RAD9A: variants seen among roughly 807,000 people sequenced by gnomAD.
RAD9A encodes RAD9 checkpoint clamp component A.
A neutral mutation model predicts 41.2 loss-of-function variants in RAD9A; 25 were observed. That is an observed-to-expected ratio of 0.61 (90% CI 0.44 to 0.85). RAD9A has a LOEUF of 0.85. Ranked by LOEUF, RAD9A falls within the 40% of genes least tolerant of loss-of-function variation. The probability of loss-of-function intolerance (pLI) is 0.00; values close to 1 mark genes in which losing one functional copy is unlikely to be tolerated. For missense variants in RAD9A, 514 were observed against 518.3 expected, an observed-to-expected ratio of 0.99 and a Z score of 0.08; for synonymous variants, 252 against 210.6, an observed-to-expected ratio of 1.20 and a Z score of -1.70.
At chr11:67,396,434 C>T (rs1463213714) in intron 9 of RAD9A, 34 bp downstream of exon 9, 2 of 1,607,884 alleles carry the variant, frequency 1.2e-6, no homozygotes, top group African/African-American at 1.3e-5. Context: ...CTCCTCTCTC[C>T]ATGTCTGTGC....
intron 3 of RAD9A, chr11:67,393,279 CAAA>C (rs34533285): frequency 3.2e-3 from 3,210 of 997,542 alleles, no homozygotes; most frequent in Admixed American, 0.01. Flanking sequence ...GACTCCATCT[CAAA>C]AAAAAAAAAA....
chr11:67,395,631 A>C, intron 5 of RAD9A, 85 bp from the exon 6 acceptor site: 1 of 1,025,736 alleles, frequency 9.7e-7, no homozygotes, highest in Non-Finnish European at 1.5e-6. Flanking sequence ...GTGCGTGTGC[A>C]TGTGTCACCC....
chr11:67,396,658 G>C (rs539595677), intron 9 of RAD9A, among the ~76,000 whole-genome samples: 1 of 152,178 alleles, frequency 6.6e-6, no homozygotes. Context: ...CTCTGGCTGA[G>C]GCCGCCCCTC....
At position 67,393,775 on chromosome 11, in the gene RAD9A, T is replaced by C. The variant is rs1862603530; in HGVS notation, c.434T>C (p.Leu145Pro). ...GACCCAGCCTCGTGCCCCCACATGC[T>C]CCGCGCCCCAGCACGGTGAGCACAC... ...VFDPASCPHM[L>P]RAPARVLGEA... Residue 145 changes from leucine to proline, a missense_variant, in exon 5 of 11, where the codon CTC becomes CCC. Transcript: ENST00000307980. 2 of 1,609,184 alleles carry C rather than the reference T, an allele frequency of 1.2e-6. No individual in the cohort carries two copies. The highest frequency in any genetic ancestry group is 1.7e-6 in the Non-Finnish European group (2 of 1,178,362).
Position 67,396,338 on chromosome 11 carries a change from G to C in RAD9A, c.810G>C (p.Ser270=), listed in dbSNP as rs750713514. 2 of 1,613,898 alleles carry C rather than the reference G, an allele frequency of 1.2e-6. No individual in the cohort carries two copies. The highest frequency in any genetic ancestry group is 1.7e-6 in the Non-Finnish European group (2 of 1,179,998). ...FVLATLSDTD[S]HSQDLGSPER... is the part of the protein sequence containing the mutation. The stretch of plus-strand genomic sequence containing the variant: ...TGGCCACACTCTCAGACACCGACTC[G>C]CACTCCCAGGACCTGGGCTCCCCAG... The change falls in exon 9 of 11, where the codon TCG becomes TCC. Residue 270 remains serine (S), a synonymous_variant. Coordinates refer to ENST00000307980, the MANE Select transcript of RAD9A (RefSeq NM_004584.3).
chr11:67,394,101 A>G (rs149390202), intron 5 of RAD9A, among the ~76,000 whole-genome samples: 1 of 152,194 alleles, frequency 6.6e-6, no homozygotes, highest in African/African-American at 2.4e-5. Context: ...TCTAGGGAGC[A>G]CATTTCTGGC....
chr11:67,392,770 G>A lies in RAD9A; in HGVS notation c.222G>A (p.Lys74=), dbSNP rs1360243255. The stretch of plus-strand genomic sequence containing the variant: ...CTGGTCAGGACCTGCTGCGCTGTAA[G>A]ATCCTGATGAAGGTGAGGCCCTTCC... ...ATPGQDLLRC[K]ILMKSFLSVF... is the part of the protein sequence containing the mutation. Residue 74 remains lysine (K), a synonymous_variant, in exon 3 of 11, where the codon AAG becomes AAA. Coordinates refer to ENST00000307980, the MANE Select transcript of RAD9A (RefSeq NM_004584.3). 2.5e-6 allele frequency: 4 copies of A among 1,613,944 alleles called. No homozygotes were observed. The African/African-American group carries it at 4.0e-5, about 16-fold the overall frequency.
chr11:67,393,460 A>C (rs770286034), intron 3 of RAD9A, 36 bp from the exon 4 acceptor site: 1 of 1,609,184 alleles, frequency 6.2e-7, no homozygotes, highest in Non-Finnish European at 8.5e-7. Context: ...TGTTGCAGAG[A>C]TGTGATGCTA....
At chr11:67,392,605 CTGTGG>C in intron 2 of RAD9A, 44 bp from the exon 3 acceptor site, 1 of 1,608,434 alleles carries the variant, frequency 6.2e-7, no homozygotes, top group East Asian at 2.2e-5. Context: ...AGGGCTGGGT[CTGTGG>C]CTGCCCCCTG....
Position 67,397,736 on chromosome 11 carries a change from G to A in RAD9A, c.*177G>A, listed in dbSNP as rs765469500. On this transcript the variant is annotated 3_prime_UTR_variant, in exon 11 of 11. Transcript: ENST00000307980. ...ACTGTAAAGCTGTCCCACAGCGGTCGGGCCTGGGCCGTTATCTCCCCACAA... is the reference window on the plus strand; with the variant it reads ...ACTGTAAAGCTGTCCCACAGCGGTCAGGCCTGGGCCGTTATCTCCCCACAA... The A allele has an allele frequency of 2.6e-5, 16 of 625,728 alleles. No individual in the cohort carries two copies. The highest frequency in any genetic ancestry group is 8.0e-5 in the South Asian group (4 of 50,082). 38.8% of individuals were successfully genotyped at this position (625,728 alleles called of 1,614,324 possible). A position where few individuals can be genotyped will look rare whatever the true frequency, so the allele number is the denominator to read the frequency against.
Position 67,396,333 on chromosome 11 carries a change from G to A in RAD9A, c.805G>A (p.Asp269Asn), listed in dbSNP as rs776682970. 4.3e-6 allele frequency: 7 copies of A among 1,613,776 alleles called. No homozygotes were observed. In the South Asian group the frequency reaches 4.4e-5, roughly 10 times the overall value. Residue 269 changes from aspartate to asparagine, a missense_variant, in exon 9 of 11, where the codon GAC becomes AAC. By Grantham distance (23) the Asp-to-Asn change is conservative. Around this residue, in one of 3 missense-constraint regions of RAD9A, gnomAD observed 216 missense variants for 184.2 expected, o/e 1.17. Coordinates refer to ENST00000307980, the MANE Select transcript of RAD9A (RefSeq NM_004584.3). Reference protein sequence around the residue: ...HFVLATLSDTDSHSQDLGSPE... With the variant: ...HFVLATLSDTNSHSQDLGSPE... ...TGTCTTGGCCACACTCTCAGACACC[G>A]ACTCGCACTCCCAGGACCTGGGCTC...
rs1201081667 is a variant in RAD9A at position 67,397,446 on chromosome 11, CACTT to C, written c.1081-17_1081-14del. 1 of 1,601,836 alleles carries C rather than the reference CACTT, an allele frequency of 6.2e-7. No homozygotes were observed. The highest frequency in any genetic ancestry group is 2.2e-5 in the East Asian group (1 of 44,836). ...AGGGAAGGGAGCAGCCTCCAGAACT[CACTT>C]GTTCTCTTTCCAGTTCCGCTCACTG... On this transcript the variant is annotated splice_polypyrimidine_tract_variant and intron_variant, in intron 10 of 10. Coordinates refer to ENST00000307980, the MANE Select transcript of RAD9A (RefSeq NM_004584.3).
rs1381131290 is a variant in RAD9A, at chr11:67,397,168, T to TC, written c.873-10dup. Reference sequence around the variant, plus strand: ...CCAGTCCCCTCCCTGATACTCCGATTCTGCCTACAGCACACCCCACCCGGA... The same window carrying TC: ...CCAGTCCCCTCCCTGATACTCCGATTCCTGCCTACAGCACACCCCACCCGGA... On this transcript the variant is annotated splice_polypyrimidine_tract_variant and intron_variant, in intron 9 of 10. Coordinates refer to ENST00000307980, the MANE Select transcript of RAD9A (RefSeq NM_004584.3). 6.2e-7 allele frequency: 1 copy of TC among 1,601,952 alleles called. No individual in the cohort carries two copies. The highest frequency in any genetic ancestry group is 1.3e-5 in the African/African-American group (1 of 74,664).
chr11:67,395,320 A>G (rs889012349), intron 5 of RAD9A: 2 of 189,476 alleles, frequency 1.1e-5, no homozygotes, highest in Non-Finnish European at 2.2e-5. Context: ...ACTCTGTCTC[A>G]TGAATAATTT....
intron 9 of RAD9A, 59 bp from the exon 10 acceptor site, chr11:67,397,120 G>A (rs76017242): frequency 2.9e-6 from 4 of 1,378,666 alleles, no homozygotes; most frequent in Non-Finnish European, 4.1e-6. Flanking sequence ...AGCCCTCCAA[G>A]GTGGGGCCCT....
At position 67,396,361 on chromosome 11, in the gene RAD9A, C is replaced by T. The variant is rs780515839; in HGVS notation, c.833C>T (p.Pro278Leu). The T allele has an allele frequency of 1.2e-6, 2 of 1,613,820 alleles. No individual in the cohort carries two copies. The highest frequency in any genetic ancestry group is 4.5e-5 in the East Asian group (2 of 44,896). Reference sequence around the variant, plus strand: ...TCGCACTCCCAGGACCTGGGCTCCCCAGAGCGTCACCAGCCAGTGCCTCAG... The same window carrying T: ...TCGCACTCCCAGGACCTGGGCTCCCTAGAGCGTCACCAGCCAGTGCCTCAG... ...TDSHSQDLGSPERHQPVPQLQ... is the reference protein window; with the variant it reads ...TDSHSQDLGSLERHQPVPQLQ... Residue 278 changes from proline (P) to leucine (L), a missense_variant, in exon 9 of 11, where the codon CCA (proline) becomes CTA (leucine). Coordinates refer to ENST00000307980, the MANE Select transcript of RAD9A (RefSeq NM_004584.3).
rs565550066 is a variant in RAD9A at position 67,398,254 on chromosome 11, C to G, written c.*695C>G. The G allele has an allele frequency of 3.4e-5, 16 of 473,034 alleles. No individual in the cohort carries two copies. In the East Asian group the frequency reaches 5.7e-4, roughly 17 times the overall value. 29.3% of individuals were successfully genotyped at this position (473,034 alleles called of 1,614,324 possible). On this transcript the variant is annotated 3_prime_UTR_variant, in exon 11 of 11. Transcript: ENST00000307980. Reference sequence around the variant, plus strand: ...CAGGATCCGGCTGCCAGCCCTGAGGCCAAGCACGGCTGGAGACCCACGACC... The same window carrying G: ...CAGGATCCGGCTGCCAGCCCTGAGGGCAAGCACGGCTGGAGACCCACGACC...
intron 2 of RAD9A, 27 bp downstream of exon 2, chr11:67,392,258 G>GGGGGGGGGGGC: frequency 7.6e-7 from 1 of 1,319,218 alleles, no homozygotes; most frequent in Non-Finnish European, 1.1e-6. Flanking sequence ...TGGGGGGCGG[G>GGGGGGGGGGGC]TGGGACTCCA....
chr11:67,394,500 G>A (rs563150523), intron 5 of RAD9A, among the ~76,000 whole-genome samples: 1 of 152,276 alleles, frequency 6.6e-6, no homozygotes, highest in East Asian at 1.9e-4. Context: ...TTCTCAGGGT[G>A]ACTGAAGATC....
Sources: allele counts gnomAD v4.1 joint callset (sites outside exome capture counted in the v4.1 genomes callset), GRCh38; gene constraint gnomAD v4.1.1; regional missense constraint gnomAD v4.1.1; transcripts MANE v1.5; gene names NCBI Gene and HGNC (gene_info 2026-07-23, HGNC 2026-07-21).